The following INSC variants were observed in gnomAD, a reference collection of about 807,000 sequenced individuals.
INSC encodes INSC spindle orientation adaptor protein.
A neutral mutation model predicts 58.6 loss-of-function variants in INSC; 67 were observed. The ratio of observed to expected loss-of-function variants is 1.14; its 90% CI spans 0.94 to 1.40. The LOEUF is 1.40. INSC is among the 40% of genes most tolerant of loss of function. The pLI is 0.00. For synonymous variants in INSC, 262 were observed against 276.1 expected (o/e 0.95, Z 0.51); for missense variants, 714 against 692.0 (o/e 1.03, Z -0.36).
At chr11:15,148,520 C>T (rs1180238767) in intron 1 of INSC, among the ~76,000 whole-genome samples, 1 of 152,244 alleles carries the variant, frequency 6.6e-6, no homozygotes, top group East Asian at 1.9e-4. Context: ...GCAATCCTGT[C>T]ATGGCTCATT....
At chr11:15,218,676 A>T (rs888965441) in intron 7 of INSC, among the ~76,000 whole-genome samples, 2 of 152,200 alleles carry the variant, frequency 1.3e-5, no homozygotes, top group Non-Finnish European at 2.9e-5. Context: ...ACGATGGGCA[A>T]TTGGCAATTG....
intron 2 of INSC, among the ~76,000 whole-genome samples, chr11:15,151,981 C>A (rs1269445553): frequency 1.3e-5 from 2 of 152,178 alleles, no homozygotes; most frequent in African/African-American, 4.8e-5. Context: ...TGCAAACCCC[C>A]ACAACAAAGT....
intron 7 of INSC, among the ~76,000 whole-genome samples, chr11:15,205,266 C>T (rs1352233676): frequency 3.3e-5 from 5 of 152,172 alleles, no homozygotes; most frequent in East Asian, 1.9e-4. Context: ...TGTTCTCTCA[C>T]GAAGTCCACC....
intron 2 of INSC, among the ~76,000 whole-genome samples, chr11:15,167,849 C>T (rs759011458): frequency 5.3e-5 from 8 of 152,248 alleles, no homozygotes; most frequent in Non-Finnish European, 1.0e-4. Context: ...GTCCTCATTT[C>T]TAGGACTGTT....
In INSC at chr11:15,183,682, G is replaced by A. The variant is rs149782697; in HGVS notation, c.579+5235G>A. Among the ~76,000 whole-genome samples the A allele has an allele frequency of 3.8e-3, 577 of 152,268 alleles. 5 individuals are homozygous for A. The highest frequency in any genetic ancestry group is 0.013 in the African/African-American group (545 of 41,548). ...TTTTTCACACTCATCCCTAGGATGT[G>A]ATATTAGCTGGGAAAAATATCTTTG... On this transcript the variant is annotated intron_variant, in intron 5 of 12. Coordinates refer to ENST00000379556, the MANE Select transcript of INSC (RefSeq NM_001042536.3).
chr11:15,210,785 G>C (rs1486529588), intron 7 of INSC, among the ~76,000 whole-genome samples: 1 of 152,088 alleles, frequency 6.6e-6, no homozygotes, highest in Non-Finnish European at 1.5e-5. Context: ...GCAAGTGCTA[G>C]TTTGGAGGGG....
At chr11:15,190,129 T>A (rs76628353) in intron 5 of INSC, among the ~76,000 whole-genome samples, 1 of 152,192 alleles carries the variant, frequency 6.6e-6, no homozygotes, top group Non-Finnish European at 1.5e-5. Flanking sequence ...TGCTATTTCA[T>A]CTTGGCCTTA....
chr11:15,148,559 T>G (rs1848552616), intron 1 of INSC, among the ~76,000 whole-genome samples: 1 of 152,208 alleles, frequency 6.6e-6, no homozygotes, highest in South Asian at 2.1e-4. Flanking sequence ...TGCCTATTTC[T>G]GAACCAATCA....
intron 1 of INSC, among the ~76,000 whole-genome samples, chr11:15,142,975 A>G (rs1000118304): frequency 2.0e-5 from 3 of 152,084 alleles, no homozygotes; most frequent in African/African-American, 4.8e-5. Flanking sequence ...ATCTTACTGA[A>G]TACTCATCAC....
intron 1 of INSC, among the ~76,000 whole-genome samples, chr11:15,133,603 T>C (rs1421336607): frequency 6.6e-6 from 1 of 152,212 alleles, no homozygotes; most frequent in Non-Finnish European, 1.5e-5. Flanking sequence ...CCTGTTTGAT[T>C]CCTCCCCTTG....
intron 7 of INSC, among the ~76,000 whole-genome samples, chr11:15,212,260 C>T (rs921858973): frequency 5.3e-5 from 8 of 152,114 alleles, no homozygotes; most frequent in Admixed American, 5.2e-4. Context: ...TGCCACCGCG[C>T]CCAGCTAATT....
chr11:15,257,135 A>G, the INSC span, among the ~76,000 whole-genome samples: 1 of 152,226 alleles, frequency 6.6e-6, no homozygotes, highest in Non-Finnish European at 1.5e-5. Context: ...AAATTGCAAG[A>G]TCAAAAAGTT....
chr11:15,256,437 C>T, the INSC span, among the ~76,000 whole-genome samples: 1 of 151,930 alleles, frequency 6.6e-6, no homozygotes, highest in Non-Finnish European at 1.5e-5. Context: ...AAGTTCACAG[C>T]CTCTTATCAG....
the INSC span, among the ~76,000 whole-genome samples, chr11:15,262,336 T>C: frequency 6.6e-6 from 1 of 152,098 alleles, no homozygotes; most frequent in Non-Finnish European, 1.5e-5. Flanking sequence ...TGAAAATCCA[T>C]GAGGCAAGTT....
chr11:15,187,241 A>T (rs1484506333), intron 5 of INSC, among the ~76,000 whole-genome samples: 1 of 152,194 alleles, frequency 6.6e-6, no homozygotes, highest in Non-Finnish European at 1.5e-5. Flanking sequence ...TGGCCTTGGA[A>T]ATCTTAGGAC....
intron 7 of INSC, among the ~76,000 whole-genome samples, chr11:15,215,949 G>T (rs1328850717): frequency 1.3e-5 from 2 of 152,132 alleles, no homozygotes; most frequent in Admixed American, 1.3e-4. Context: ...GGGTTGAGGT[G>T]CCCGTGGAAT....
At chr11:15,251,265 A>G (rs1852647010), downstream of INSC, among the ~76,000 whole-genome samples, 1 of 152,248 alleles carries the variant, frequency 6.6e-6, no homozygotes, top group East Asian at 1.9e-4. Context: ...CAGAAAATGC[A>G]TGATAGACCT....
intron 7 of INSC, among the ~76,000 whole-genome samples, chr11:15,209,374 C>T (rs1406318370): frequency 6.6e-6 from 1 of 152,132 alleles, no homozygotes; most frequent in East Asian, 1.9e-4. Context: ...CCCTTCCCAC[C>T]AAATTTCTCC....
At chr11:15,242,313 A>G (rs947712161) in intron 12 of INSC, among the ~76,000 whole-genome samples, 2 of 152,228 alleles carry the variant, frequency 1.3e-5, no homozygotes, top group African/African-American at 4.8e-5. Context: ...GAGCTTGGCT[A>G]CTATCTTTAA....
Sources: allele counts gnomAD v4.1 joint callset (sites outside exome capture counted in the v4.1 genomes callset), GRCh38; gene constraint gnomAD v4.1.1; transcripts MANE v1.5; gene names NCBI Gene and HGNC (gene_info 2026-07-23, HGNC 2026-07-21).